Variants in ARPC1A observed in about 807,000 individuals in gnomAD.
The protein encoded by ARPC1A is actin-related protein 2/3 complex subunit 1A.
ARPC1A carries 8 observed loss-of-function variants against 46.9 expected under a neutral mutation model. That is an observed-to-expected ratio of 0.17 (90% CI 0.10 to 0.31). The LOEUF (loss-of-function observed/expected upper bound fraction) is 0.31, where lower values mean the gene tolerates loss of function less well. Among genes scored for constraint, ARPC1A ranks in the 10% least tolerant of loss-of-function variants. The pLI is 1.00. For missense variants in ARPC1A, 286 were observed against 483.6 expected, an observed-to-expected ratio of 0.59 and a Z score of 3.83; for synonymous variants, 152 against 169.0, an observed-to-expected ratio of 0.90 and a Z score of 0.78.
At position 99,365,895 on chromosome 7, in the gene ARPC1A, T is replaced by A; in HGVS notation, c.1079T>A (p.Leu360His). The change falls in exon 10 of 10, where the codon CTC becomes CAC. Residue 360 changes from leucine to histidine, a missense_variant. By Grantham distance (99) the Leu-to-His change is moderately conservative. Coordinates refer to ENST00000262942, the MANE Select transcript of ARPC1A (RefSeq NM_006409.4). ...GAMTIWDFKT[L>H]ESSIQGLRIM Reference sequence around the variant, plus strand: ...GCTCTTCCCACCTTTTCCAAGACCCTCGAGTCTTCCATCCAGGGCCTCCGG... The same window carrying A: ...GCTCTTCCCACCTTTTCCAAGACCCACGAGTCTTCCATCCAGGGCCTCCGG... The A allele has an allele frequency of 6.4e-7, 1 of 1,574,432 alleles. No homozygotes were observed. The highest frequency in any genetic ancestry group is 8.6e-7 in the Non-Finnish European group (1 of 1,157,876).
chr7:99,341,154 C>CA (rs1793351321), intron 3 of ARPC1A, among the ~76,000 whole-genome samples: 1 of 151,070 alleles, frequency 6.6e-6, no homozygotes, highest in East Asian at 1.9e-4. Context: ...ACTAAAAATA[C>CA]AAAAATTAGC....
At chr7:99,343,792 T>C (rs1176141312) in intron 3 of ARPC1A, among the ~76,000 whole-genome samples, 1 of 152,216 alleles carries the variant, frequency 6.6e-6, no homozygotes. Context: ...GAATATATGA[T>C]GAATCACAAT....
chr7:99,352,034 C>T (rs919585139), intron 5 of ARPC1A, among the ~76,000 whole-genome samples: 12 of 152,160 alleles, frequency 7.9e-5, no homozygotes, highest in African/African-American at 2.9e-4. Flanking sequence ...AGGGAGCCTG[C>T]CCACCCCTTG....
intron 8 of ARPC1A, among the ~76,000 whole-genome samples, chr7:99,362,095 G>A (rs1793750732): frequency 6.6e-6 from 1 of 152,008 alleles, no homozygotes; most frequent in Non-Finnish European, 1.5e-5. Flanking sequence ...AGGTGGTCAA[G>A]ACCAGCCTGA....
chr7:99,342,638 C>A (rs1402627741), intron 3 of ARPC1A, among the ~76,000 whole-genome samples: 1 of 150,876 alleles, frequency 6.6e-6, no homozygotes, highest in African/African-American at 2.4e-5. Flanking sequence ...CTCATATTTT[C>A]TTCCCTTCAG....
chr7:99,350,631 C>CTTTTTTTTT (rs540737612), intron 5 of ARPC1A, among the ~76,000 whole-genome samples: 2 of 67,536 alleles, frequency 3.0e-5, no homozygotes, highest in African/African-American at 5.0e-5. Flanking sequence ...ATGAGGTGCA[C>CTTTTTTTTT]TTTTTTTTTT....
chr7:99,357,073 C>T (rs1008670033), intron 6 of ARPC1A, among the ~76,000 whole-genome samples: 29 of 151,952 alleles, frequency 1.9e-4, no homozygotes, highest in African/African-American at 6.8e-4. Flanking sequence ...CTTGATAATA[C>T]TTTTGTATTT....
rs2150872306 is a variant in ARPC1A at position 99,356,806 on chromosome 7, A to G, written c.714-1534A>G. ...TCCCAGCTACTCGGGAGGCTGAGGC[A>G]GGAGAATGGCGTGAACCTGGGAGGC... is the stretch of plus-strand genomic sequence containing the variant. On this transcript the variant is annotated intron_variant, in intron 6 of 9. Transcript: ENST00000262942. Among the ~76,000 whole-genome samples, 3 of 152,258 alleles carry G rather than the reference A, an allele frequency of 2.0e-5. 1 individual carries two copies. The Middle Eastern group carries it at 0.01, about 518-fold the overall frequency.
At chr7:99,365,864 A>G (rs1357862395) in intron 9 of ARPC1A, 27 bp from the exon 10 acceptor site, 1 of 1,563,272 alleles carries the variant, frequency 6.4e-7, no homozygotes, top group Non-Finnish European at 8.7e-7. Context: ...CCTCAGTGAC[A>G]TCAGTGCTCT....
intron 2 of ARPC1A, among the ~76,000 whole-genome samples, chr7:99,334,677 GTTTATTTA>G: frequency 6.6e-6 from 1 of 151,822 alleles, no homozygotes; most frequent in South Asian, 2.1e-4. Context: ...TTTTTTCTGT[GTTTATTTA>G]TTTATTTATT....
chr7:99,352,143 T>C (rs1793551874), intron 5 of ARPC1A, among the ~76,000 whole-genome samples: 1 of 152,134 alleles, frequency 6.6e-6, no homozygotes. Context: ...TCTCCCACCA[T>C]TGACTGCGCA....
In ARPC1A at chr7:99,344,442, C is replaced by G; in HGVS notation, c.319C>G (p.Leu107Val). 1 of 1,613,946 alleles carries G rather than the reference C, an allele frequency of 6.2e-7. No homozygotes were observed. Among genetic ancestry groups the G allele is most frequent in the Non-Finnish European group, 8.5e-7 (1 of 1,179,842 alleles). Residue 107 changes from leucine (L) to valine (V), a missense_variant, in exon 4 of 10, where the codon CTA (leucine) becomes GTA (valine). Physicochemically the swap from Leu to Val is conservative, Grantham distance 32. Transcript: ENST00000262942. ...RAATFVKWSP[L>V]ENKFAVGSGA... ...AGCTACTTTTGTGAAGTGGTCCCCCCTAGAGAACAAATTTGCTGTGGGAAG... is the reference window on the plus strand; with the variant it reads ...AGCTACTTTTGTGAAGTGGTCCCCCGTAGAGAACAAATTTGCTGTGGGAAG...
chr7:99,365,397 T>C (rs1282145604), intron 9 of ARPC1A, among the ~76,000 whole-genome samples: 1 of 151,984 alleles, frequency 6.6e-6, no homozygotes, highest in Non-Finnish European at 1.5e-5. Flanking sequence ...GCACAGGAGT[T>C]CGAGACCAGC....
At chr7:99,361,603 T>C (rs1793741632) in intron 8 of ARPC1A, among the ~76,000 whole-genome samples, 1 of 152,236 alleles carries the variant, frequency 6.6e-6, no homozygotes, top group African/African-American at 2.4e-5. Flanking sequence ...GAGTTACTTC[T>C]TGTGAGTTTC....
Position 99,365,937 on chromosome 7 carries a change from T to C in ARPC1A, c.*8T>C, listed in dbSNP as rs998171963. ...GGCCTCCGGATAATGTGAAGCTGAG[T>C]GAGCCTCCGCCATCCAGCATGACAA... On this transcript the variant is annotated 3_prime_UTR_variant, in exon 10 of 10. Transcript: ENST00000262942. The C allele has an allele frequency of 1.9e-6, 3 of 1,569,238 alleles. No homozygotes were observed. The highest frequency in any genetic ancestry group is 2.3e-5 in the East Asian group (1 of 43,274).
intron 2 of ARPC1A, 103 bp from the exon 3 acceptor site, chr7:99,338,078 C>T: frequency 2.6e-6 from 2 of 767,484 alleles, no homozygotes; most frequent in South Asian, 2.4e-5. Flanking sequence ...AAAAGTTTTT[C>T]TTTTCCTTAC....
rs368297963 is a variant in ARPC1A at position 99,363,678 on chromosome 7, T to G, written c.1074+45T>G. Reference sequence around the variant, plus strand: ...ACAAATTTTGTTTGTGTTAAAACTTTTTTTTTTTTTTTTAAGAGATAGGCT... The same window carrying G: ...ACAAATTTTGTTTGTGTTAAAACTTGTTTTTTTTTTTTTAAGAGATAGGCT... On this transcript the variant is annotated intron_variant, in intron 9 of 9. Transcript: ENST00000262942. 3,416 of 1,332,292 alleles carry G rather than the reference T, an allele frequency of 2.6e-3. 1 individual carries two copies. The highest frequency in any genetic ancestry group is 3.3e-3 in the Non-Finnish European group (3,222 of 983,494). 82.5% of individuals were successfully genotyped at this position (1,332,292 alleles called of 1,614,324 possible). A position where few individuals can be genotyped will look rare whatever the true frequency, so the allele number is the denominator to read the frequency against.
At chr7:99,339,814 G>A (rs191338400) in intron 3 of ARPC1A, 63 of 305,652 alleles carry the variant, frequency 2.1e-4, no homozygotes, top group African/African-American at 8.7e-4. Context: ...ATTTCTGTAC[G>A]TATGTGTGAA....
chr7:99,364,253 C>A (rs965969276), intron 9 of ARPC1A, among the ~76,000 whole-genome samples: 4 of 149,730 alleles, frequency 2.7e-5, no homozygotes, highest in African/African-American at 9.9e-5. Flanking sequence ...CCATGCCAGC[C>A]TTGGAGATCT....
Sources: gnomAD v4.1 joint callset for allele counts (sites outside exome capture counted in the v4.1 genomes callset) on GRCh38, gnomAD v4.1.1 for gene constraint, MANE v1.5 for transcripts, NCBI Gene and HGNC (gene_info 2026-07-23, HGNC 2026-07-21) for gene names.